FAP: variants seen among roughly 807,000 people sequenced by gnomAD.
FAP encodes prolyl endopeptidase FAP.
Under a neutral mutation model 126.5 loss-of-function variants are expected in FAP, and 110 were observed. The observed-to-expected ratio is 0.87, with a 90% CI of 0.74 to 1.02. FAP has a LOEUF of 1.02. FAP is among the 50% of genes least tolerant of loss of function. The pLI is 0.00. For synonymous variants in FAP, 334 were observed against 297.3 expected (o/e 1.12, Z -1.27); for missense variants, 919 against 909.2 (o/e 1.01, Z -0.14).
chr2:162,226,113 G>A (rs745942251), intron 3 of FAP, among the ~76,000 whole-genome samples: 9 of 152,010 alleles, frequency 5.9e-5, no homozygotes, highest in Non-Finnish European at 1.0e-4. Flanking sequence ...TGAAAATACC[G>A]ATTTCATGAC....
At chr2:162,211,816 C>T (rs908789850) in intron 11 of FAP, among the ~76,000 whole-genome samples, 1 of 152,022 alleles carries the variant, frequency 6.6e-6, no homozygotes, top group African/African-American at 2.4e-5. Context: ...GTCATTTTTG[C>T]CAGTTTCCTT....
intron 11 of FAP, among the ~76,000 whole-genome samples, chr2:162,210,762 A>G (rs1206532764): frequency 6.6e-6 from 1 of 152,128 alleles, no homozygotes; most frequent in Admixed American, 6.5e-5. Flanking sequence ...GGTAAGAGGG[A>G]AGGAGGCAGA....
Position 162,198,654 on chromosome 2 carries a change from A to G in FAP, c.1402+103T>C. 6 of 1,336,782 alleles carry G rather than the reference A, an allele frequency of 4.5e-6. No homozygotes were observed. The South Asian group carries it at 6.6e-5, about 15-fold the overall frequency. The allele number at this position is 1,336,782 out of a possible 1,614,324, so 82.8% of individuals were successfully genotyped here. A position where few individuals can be genotyped will look rare whatever the true frequency, so the allele number is the denominator to read the frequency against. ...GCACAAGATAAGATTCTTACATATA[A>G]CAAATGCTCATTAACTGTAGCTACG... On this transcript the variant is annotated intron_variant, in intron 16 of 25. Coordinates refer to ENST00000188790, the MANE Select transcript of FAP (RefSeq NM_004460.5).
In FAP at chr2:162,178,223, C is replaced by A. The variant is rs1233931843; in HGVS notation, c.1870-3257G>T. 2.6e-5 allele frequency among the ~76,000 whole-genome samples: 4 copies of A among 152,186 alleles called. No individual in the cohort carries two copies. In the East Asian group the frequency reaches 7.7e-4, roughly 29 times the overall value. On this transcript the variant is annotated intron_variant, in intron 21 of 25. Transcript: ENST00000188790. ...TGAACTAATGCTTATTCAACACCACCTGGCTAGGCCTATATTAACAAAGCG... is the reference window on the plus strand; with the variant it reads ...TGAACTAATGCTTATTCAACACCACATGGCTAGGCCTATATTAACAAAGCG...
intron 16 of FAP, chr2:162,198,228 G>A (rs766783371): frequency 3.1e-6 from 4 of 1,289,622 alleles, no homozygotes; most frequent in African/African-American, 1.5e-5. Context: ...TATCCCCATT[G>A]AAACTACAGT....
chr2:162,217,069 A>T (rs541361995), intron 9 of FAP, among the ~76,000 whole-genome samples: 1 of 152,310 alleles, frequency 6.6e-6, no homozygotes, highest in South Asian at 2.1e-4. Flanking sequence ...GTTTTTACAC[A>T]GCTTTTAGAC....
chr2:162,174,285 T>C (rs953965335), intron 22 of FAP, among the ~76,000 whole-genome samples: 13 of 152,182 alleles, frequency 8.5e-5, no homozygotes, highest in Non-Finnish European at 1.8e-4. Context: ...AATTGTTTTA[T>C]TTCTGCCCCA....
chr2:162,223,452 T>G (rs1689499974), intron 6 of FAP, among the ~76,000 whole-genome samples, 156 bp downstream of exon 6: 2 of 152,196 alleles, frequency 1.3e-5, no homozygotes, highest in Non-Finnish European at 2.9e-5. Context: ...TTCTTGAATT[T>G]TGTAAGCTTT....
chr2:162,228,066 G>T (rs981064202), intron 2 of FAP, among the ~76,000 whole-genome samples: 1 of 152,120 alleles, frequency 6.6e-6, no homozygotes, highest in South Asian at 2.1e-4. Context: ...ATAAGGCCAG[G>T]AATCATGTCT....
At chr2:162,179,480 C>T (rs1687608428) in intron 21 of FAP, among the ~76,000 whole-genome samples, 1 of 152,014 alleles carries the variant, frequency 6.6e-6, no homozygotes, top group South Asian at 2.1e-4. Flanking sequence ...TAGCTTTGGG[C>T]TCAGAAACAA....
chr2:162,219,153 T>C lies in FAP; in HGVS notation c.517A>G (p.Lys173Glu), dbSNP rs1383942001. ...AYVYQNNIYLKQRPGDPPFQI... is the reference protein window; with the variant it reads ...AYVYQNNIYLEQRPGDPPFQI... ...AAAGGTGGATCTCCTGGTCTTTGTT[T>C]CAAATAGATATTGTTTTGATAGACA... Residue 173 changes from lysine (K) to glutamate (E), a missense_variant, in exon 8 of 26, where the codon AAA becomes GAA. Coordinates refer to ENST00000188790, the MANE Select transcript of FAP (RefSeq NM_004460.5). 7.5e-6 allele frequency: 12 copies of C among 1,607,814 alleles called. No homozygotes were observed. In the South Asian group the frequency reaches 1.3e-4, roughly 18 times the overall value.
intron 1 of FAP, 147 bp downstream of exon 1, chr2:162,243,175 T>C: frequency 2.5e-6 from 2 of 799,488 alleles, no homozygotes; most frequent in Non-Finnish European, 4.1e-6. Context: ...TTCTACAGTA[T>C]ATTTAGAACA....
In FAP at chr2:162,170,930, T is replaced by A; in HGVS notation, c.*49A>T. 1.5e-6 allele frequency: 2 copies of A among 1,366,592 alleles called. No individual in the cohort carries two copies. Among genetic ancestry groups the A allele is most frequent in the Non-Finnish European group, 2.1e-6 (2 of 958,870 alleles). The allele number at this position is 1,366,592 out of a possible 1,614,324, so 84.7% of individuals were successfully genotyped here. A position where few individuals can be genotyped will look rare whatever the true frequency, so the allele number is the denominator to read the frequency against. On this transcript the variant is annotated 3_prime_UTR_variant, in exon 26 of 26. Transcript: ENST00000188790. ...TAAAATAAGCAAACTGTCTGAGGGG[T>A]TTATATAAGGTTTTCAGATTCTGAT... is the stretch of plus-strand genomic sequence containing the variant.
At chr2:162,182,306 C>T (rs1576138368) in intron 21 of FAP, among the ~76,000 whole-genome samples, 1 of 152,192 alleles carries the variant, frequency 6.6e-6, no homozygotes, top group East Asian at 1.9e-4. Flanking sequence ...TGTACATGTT[C>T]AACTTAAAAT....
At chr2:162,177,271 G>A (rs1056633610) in intron 21 of FAP, among the ~76,000 whole-genome samples, 11 of 152,072 alleles carry the variant, frequency 7.2e-5, no homozygotes, top group East Asian at 1.9e-4. Context: ...GAGGGTTTAC[G>A]AAACACTCTT....
intron 9 of FAP, 88 bp from the exon 10 acceptor site, chr2:162,216,089 T>A (rs1689151447): frequency 1.1e-6 from 1 of 927,950 alleles, no homozygotes; most frequent in Admixed American, 2.2e-5. Context: ...GATATATTTT[T>A]CTAAGCGAAC....
chr2:162,185,856 T>C (rs1253587380), intron 20 of FAP, among the ~76,000 whole-genome samples: 4 of 152,142 alleles, frequency 2.6e-5, no homozygotes, highest in East Asian at 1.9e-4. Context: ...CCTTAGGAGG[T>C]ATATTGAATC....
At chr2:162,204,432 G>A (rs941089647) in intron 12 of FAP, among the ~76,000 whole-genome samples, 3 of 152,316 alleles carry the variant, frequency 2.0e-5, no homozygotes, top group African/African-American at 7.2e-5. Context: ...TGTAATCAAG[G>A]GAGAAAGTAA....
intron 21 of FAP, among the ~76,000 whole-genome samples, chr2:162,181,292 TA>T (rs1016009659): frequency 2.0e-5 from 3 of 151,354 alleles, no homozygotes; most frequent in Admixed American, 1.3e-4. Context: ...AGAAAAAAAA[TA>T]AAAAAGGTGT....
Sources: gnomAD v4.1 joint callset for allele counts (sites outside exome capture counted in the v4.1 genomes callset) on GRCh38, gnomAD v4.1.1 for gene constraint, MANE v1.5 for transcripts, NCBI Gene and HGNC (gene_info 2026-07-23, HGNC 2026-07-21) for gene names.